The following IGSF10 variants were observed in gnomAD, a reference collection of about 807,000 sequenced individuals.
IGSF10 encodes the protein immunoglobulin superfamily member 10.
A neutral mutation model predicts 128.2 loss-of-function variants in IGSF10; 126 were observed. That is an observed-to-expected ratio of 0.98 (90% confidence interval 0.85 to 1.14). The LOEUF (loss-of-function observed/expected upper bound fraction) is 1.14, where lower values mean the gene tolerates loss of function less well. Among genes scored for constraint, IGSF10 ranks in the 50% most tolerant of loss-of-function variants. The probability of loss-of-function intolerance (pLI) is 0.00; values close to 1 mark genes in which losing one functional copy is unlikely to be tolerated. For synonymous variants in IGSF10, 1,185 were observed against 1,146.2 expected (o/e 1.03, Z -0.68); for missense variants, 3,295 against 3,149.8 (o/e 1.05, Z -1.10).
At position 151,443,894 on chromosome 3, in the gene IGSF10, A is replaced by G. The variant is rs760867050; in HGVS notation, c.5063-10T>C. 1.3e-6 allele frequency: 2 copies of G among 1,560,290 alleles called. No individual in the cohort carries two copies. The highest frequency in any genetic ancestry group is 4.5e-5 in the East Asian group (2 of 44,158). On this transcript the variant is annotated splice_polypyrimidine_tract_variant and intron_variant, in intron 6 of 7. Coordinates refer to ENST00000282466, the MANE Select transcript of IGSF10 (RefSeq NM_178822.5). ...TTAGATAAATCAAGTCCTGAGAAGA[A>G]AAAAAGAAAATTATTGCTACGGGTC...
chr3:151,515,590 G>A, the IGSF10 span, among the ~76,000 whole-genome samples: 2 of 151,634 alleles, frequency 1.3e-5, no homozygotes, highest in African/African-American at 4.9e-5. Flanking sequence ...TGCACGTTGT[G>A]TACATGTACC....
At chr3:151,544,973 A>AT in the IGSF10 span, among the ~76,000 whole-genome samples, 1 of 151,954 alleles carries the variant, frequency 6.6e-6, no homozygotes, top group Admixed American at 6.6e-5. Context: ...TTTCTGAGAC[A>AT]TTTTCACAAC....
chr3:151,455,639 G>C (rs1721756665), intron 4 of IGSF10, among the ~76,000 whole-genome samples: 1 of 152,122 alleles, frequency 6.6e-6, no homozygotes, highest in African/African-American at 2.4e-5. Flanking sequence ...CTCATAGCAT[G>C]TATCAGCCCT....
At chr3:151,503,417 A>C in the IGSF10 span, among the ~76,000 whole-genome samples, 1 of 152,156 alleles carries the variant, frequency 6.6e-6, no homozygotes, top group East Asian at 1.9e-4. Context: ...AAAAAATAAA[A>C]ACATGAATTT....
the IGSF10 span, among the ~76,000 whole-genome samples, chr3:151,514,489 T>C: frequency 6.6e-6 from 1 of 152,132 alleles, no homozygotes; most frequent in Non-Finnish European, 1.5e-5. Context: ...AAGACTTAAA[T>C]GTTAGACCTA....
Position 151,445,213 on chromosome 3 carries a change from G to A in IGSF10, c.4768C>T (p.Pro1590Ser). 6 of 1,614,190 alleles carry A rather than the reference G, an allele frequency of 3.7e-6. No homozygotes were observed. The highest frequency in any genetic ancestry group is 3.4e-6 in the Non-Finnish European group (4 of 1,180,046). The change falls in exon 6 of 8, where the codon CCA becomes TCA. Residue 1590 changes from proline to serine, a missense_variant. Physicochemically the swap from Pro to Ser is moderately conservative, Grantham distance 74. Transcript: ENST00000282466. ...YSEIAEKGKKPEVSMLATTGL... is the reference protein window; with the variant it reads ...YSEIAEKGKKSEVSMLATTGL... Reference sequence around the variant, plus strand: ...GTAGTAGCCAACATGCTTACTTCTGGCTTTTTGCCTTTTTCAGCAATTTCT... The same window carrying A: ...GTAGTAGCCAACATGCTTACTTCTGACTTTTTGCCTTTTTCAGCAATTTCT...
the IGSF10 span, among the ~76,000 whole-genome samples, chr3:151,591,525 C>T: frequency 1.3e-5 from 2 of 149,488 alleles, no homozygotes; most frequent in African/African-American, 2.4e-5. Context: ...TTGCAAGGCA[C>T]CATGCTGAAA....
chr3:151,502,972 G>A, the IGSF10 span, among the ~76,000 whole-genome samples: 6 of 151,944 alleles, frequency 3.9e-5, no homozygotes, highest in Non-Finnish European at 7.4e-5. Context: ...GAAGTAGAAG[G>A]CTAATAGCAA....
rs539629173 is a variant in IGSF10, at chr3:151,460,953, C to G, written c.-96G>C. 6.5e-5 allele frequency: 64 copies of G among 985,254 alleles called. No homozygotes were observed. The highest frequency in any genetic ancestry group is 7.6e-5 in the Non-Finnish European group (63 of 829,910). The allele number at this position is 985,254 out of a possible 1,614,324, so 61.0% of individuals were successfully genotyped here. On this transcript the variant is annotated 5_prime_UTR_variant, in exon 1 of 8. Transcript: ENST00000282466. ...ATTGGCCGAGGCGCTCACCTGTTTG[C>G]CCTGGTGACCAATGGGCTCGAGCTG...
chr3:151,592,074 T>C, the IGSF10 span, among the ~76,000 whole-genome samples: 1 of 152,284 alleles, frequency 6.6e-6, no homozygotes, highest in South Asian at 2.1e-4. Flanking sequence ...GTTAAAAGCA[T>C]GAACTCTGGA....
At chr3:151,435,062 C>CTTTTTTTTTTTTTT (rs66791814), downstream of IGSF10, 10 of 119,080 alleles carry the variant, frequency 8.4e-5, no homozygotes, top group Admixed American at 1.7e-4. Flanking sequence ...TGAGAGGTTT[C>CTTTTTTTTTTTTTT]TTTTTTTTTT....
the IGSF10 span, among the ~76,000 whole-genome samples, chr3:151,575,277 A>G: frequency 6.6e-6 from 1 of 152,146 alleles, no homozygotes; most frequent in Non-Finnish European, 1.5e-5. Context: ...AGGGACGTTT[A>G]AGTCTGCAGA....
chr3:151,573,178 TGTG>T, the IGSF10 span, among the ~76,000 whole-genome samples: 2 of 152,174 alleles, frequency 1.3e-5, no homozygotes, highest in Non-Finnish European at 2.9e-5. Flanking sequence ...ATAAGTGCGA[TGTG>T]GTGCTGAGAA....
the IGSF10 span, among the ~76,000 whole-genome samples, chr3:151,535,707 TCAG>T: frequency 6.6e-6 from 1 of 152,202 alleles, no homozygotes; most frequent in African/African-American, 2.4e-5. Context: ...ATAGTGCAAG[TCAG>T]GAAATCTTTC....
At chr3:151,618,236 T>A in the IGSF10 span, among the ~76,000 whole-genome samples, 2 of 152,128 alleles carry the variant, frequency 1.3e-5, no homozygotes, top group Admixed American at 1.3e-4. Context: ...TCGTCACCAG[T>A]AACTGAAGCG....
Position 151,447,585 on chromosome 3 carries a change from A to G in IGSF10, c.2396T>C (p.Met799Thr). The part of the protein sequence containing the change: ...IPGEEDDSSG[M>T]LALHEEFMVP... ...CATAAATTCCTCATGTAGAGCGAGC[A>G]TGCCTGAGGAATCGTCTTCTTCACC... The change falls in exon 6 of 8, where the codon ATG becomes ACG. Residue 799 changes from methionine (M) to threonine (T), a missense_variant. By Grantham distance (81) the Met-to-Thr change is moderately conservative. Coordinates refer to ENST00000282466, the MANE Select transcript of IGSF10 (RefSeq NM_178822.5). 1.2e-6 allele frequency: 2 copies of G among 1,614,158 alleles called. No homozygotes were observed. Among genetic ancestry groups the G allele is most frequent in the Non-Finnish European group, 1.7e-6 (2 of 1,180,030 alleles).
In IGSF10 at chr3:151,443,351, C is replaced by T. The variant is rs1449474284; in HGVS notation, c.5596G>A (p.Ala1866Thr). The change falls in exon 7 of 8, where the codon GCA (alanine) becomes ACA (threonine). Residue 1866 changes from alanine (A) to threonine (T), a missense_variant. Transcript: ENST00000282466. The part of the protein sequence containing the change: ...WGESLKLPCT[A>T]KGTPQPSVYW... ...ACGCTGGGCTGAGGAGTTCCTTTTG[C>T]AGTACAGGGCAGTTTTAAACTTTCA... 1 of 1,614,232 alleles carries T rather than the reference C, an allele frequency of 6.2e-7. No individual in the cohort carries two copies. The highest frequency in any genetic ancestry group is 8.5e-7 in the Non-Finnish European group (1 of 1,180,038).
At chr3:151,519,980 A>G in the IGSF10 span, among the ~76,000 whole-genome samples, 1 of 151,860 alleles carries the variant, frequency 6.6e-6, no homozygotes, top group Non-Finnish European at 1.5e-5. Context: ...TGAGAATTCT[A>G]AAAGTCCTAA....
At chr3:151,534,704 G>T in the IGSF10 span, among the ~76,000 whole-genome samples, 1 of 152,042 alleles carries the variant, frequency 6.6e-6, no homozygotes, top group East Asian at 1.9e-4. Flanking sequence ...TCCCAATGTA[G>T]ATGACGGGTC....
Sources: allele counts gnomAD v4.1 joint callset (sites outside exome capture counted in the v4.1 genomes callset), GRCh38; gene constraint gnomAD v4.1.1; transcripts MANE v1.5; gene names NCBI Gene and HGNC (gene_info 2026-07-23, HGNC 2026-07-21).